Variants in EEF1AKMT1 observed in about 807,000 individuals in gnomAD.
EEF1AKMT1 encodes EEF1A lysine methyltransferase 1, also known as N-6 adenine-specific DNA methyltransferase 2 (putative).
In EEF1AKMT1, 18 loss-of-function variants were observed where a neutral mutation model predicts 21.0. The ratio of observed to expected loss-of-function variants is 0.86; its 90% CI spans 0.59 to 1.27. EEF1AKMT1 has a LOEUF of 1.27. EEF1AKMT1 is among the 50% of genes most tolerant of loss of function. The probability of loss-of-function intolerance (pLI) is 0.00; values close to 1 mark genes in which losing one functional copy is unlikely to be tolerated. For synonymous variants in EEF1AKMT1, 109 were observed against 94.8 expected (o/e 1.15, Z -0.87); for missense variants, 246 against 258.6 (o/e 0.95, Z 0.33).
rs760139819 is a variant in EEF1AKMT1 at position 20,729,049 on chromosome 13, G to T, written c.*31C>A. The stretch of plus-strand genomic sequence containing the variant: ...AATACAAAAAGAGGAATGTGACAGG[G>T]TTCCTTCCTGTGTTATGTCACCGTC... On this transcript the variant is annotated 3_prime_UTR_variant, in exon 5 of 5. Coordinates refer to ENST00000382758, the MANE Select transcript of EEF1AKMT1 (RefSeq NM_001318939.2). The T allele has an allele frequency of 5.0e-6, 8 of 1,612,594 alleles. No individual in the cohort carries two copies. In the South Asian group the frequency reaches 8.8e-5, roughly 18 times the overall value.
At chr13:20,757,325 G>A in intron 2 of EEF1AKMT1, 130 bp downstream of exon 2, 1 of 1,046,536 alleles carries the variant, frequency 9.6e-7, no homozygotes, top group East Asian at 2.4e-5. Context: ...GCTCCCCATA[G>A]AGAAGTTCAG....
intron 2 of EEF1AKMT1, 103 bp from the exon 3 acceptor site, chr13:20,737,908 A>T (rs949590465): frequency 5.4e-6 from 4 of 738,964 alleles, no homozygotes; most frequent in African/African-American, 3.6e-5. Context: ...TTGTTCTTTT[A>T]ATTTATATAT....
rs1555326495 is a variant in EEF1AKMT1 at position 20,748,715 on chromosome 13, G to GGTTTTTTT, written c.144+8739_144+8740insAAAAAAAC. On this transcript the variant is annotated intron_variant, in intron 2 of 4. Transcript: ENST00000382758. ...TTCTTCACCCTCCTAATGTATAGTT[G>GGTTTTTTT]TTTTTTTTTGGTTTTTTTTTTTTTT... Among the ~76,000 whole-genome samples, 117 of 105,792 alleles carry GGTTTTTTT rather than the reference G, an allele frequency of 1.1e-3. 7 individuals are homozygous for GGTTTTTTT. Among genetic ancestry groups the GGTTTTTTT allele is most frequent in the African/African-American group, 4.1e-3 (112 of 27,136 alleles). The allele number at this position is 105,792 out of a possible 152,430, so 69.4% of individuals were successfully genotyped here.
At chr13:20,766,845 A>G (rs1292900399) in intron 1 of EEF1AKMT1, among the ~76,000 whole-genome samples, 1 of 151,986 alleles carries the variant, frequency 6.6e-6, no homozygotes, top group African/African-American at 2.4e-5. Context: ...AAAGAAAAAG[A>G]AAAAAACAGA....
intron 2 of EEF1AKMT1, among the ~76,000 whole-genome samples, chr13:20,756,473 G>C (rs2058972456): frequency 6.6e-6 from 1 of 152,158 alleles, no homozygotes; most frequent in African/African-American, 2.4e-5. Flanking sequence ...TTCCGGCAAT[G>C]ATAATATTTT....
intron 1 of EEF1AKMT1, among the ~76,000 whole-genome samples, chr13:20,759,483 G>C (rs2058988034): frequency 6.6e-6 from 1 of 152,094 alleles, no homozygotes; most frequent in Non-Finnish European, 1.5e-5. Context: ...GGGAGGCTGA[G>C]GCAGGAGAAT....
chr13:20,755,409 C>T (rs1421396293), intron 2 of EEF1AKMT1, among the ~76,000 whole-genome samples: 2 of 152,222 alleles, frequency 1.3e-5, no homozygotes, highest in African/African-American at 4.8e-5. Flanking sequence ...AGGCAGTTCC[C>T]TATGTTTGCC....
chr13:20,742,723 C>T (rs2058878945), intron 2 of EEF1AKMT1, among the ~76,000 whole-genome samples: 2 of 152,198 alleles, frequency 1.3e-5, no homozygotes, highest in Non-Finnish European at 2.9e-5. Flanking sequence ...AGAATAATCT[C>T]CTCTTAGCTG....
chr13:20,731,173 G>A (rs1481716360), intron 4 of EEF1AKMT1, among the ~76,000 whole-genome samples: 2 of 126,236 alleles, frequency 1.6e-5, no homozygotes, highest in Non-Finnish European at 4.0e-5. Flanking sequence ...AACCACACCT[G>A]GCTAATGTTT....
rs2058777235 is a variant in EEF1AKMT1, at chr13:20,729,199, G to A, written c.526C>T (p.Gln176Ter). The A allele has an allele frequency of 1.9e-6, 3 of 1,613,984 alleles. No individual in the cohort carries two copies. The highest frequency in any genetic ancestry group is 2.5e-6 in the Non-Finnish European group (3 of 1,180,024). ...LLCTGAIMEE[Q>*]AAELLGVKMC... ...TTCACTCCAAGGAGTTCTGCTGCCT[G>A]TTCTTCCATGATGGCACCTGAAGAG... The change falls in exon 5 of 5, where the codon CAG becomes TAG. Residue 176 changes from glutamine (Q) to a stop codon, truncating the protein, a stop_gained. Transcript: ENST00000382758. LOFTEE classifies it low-confidence loss of function (END_TRUNC).
chr13:20,765,405 GTTTT>G (rs1171165259), intron 1 of EEF1AKMT1, among the ~76,000 whole-genome samples: 15 of 58,674 alleles, frequency 2.6e-4, no homozygotes, highest in African/African-American at 5.1e-4. Context: ...CTTCCCTTGG[GTTTT>G]TTTTTTTTTT....
intron 1 of EEF1AKMT1, among the ~76,000 whole-genome samples, chr13:20,759,913 G>T (rs990490374): frequency 3.3e-5 from 5 of 152,100 alleles, no homozygotes; most frequent in African/African-American, 1.2e-4. Flanking sequence ...AACCATCCTA[G>T]CTAACACAGT....
intron 2 of EEF1AKMT1, among the ~76,000 whole-genome samples, chr13:20,748,731 T>TTG (rs1566533579): frequency 1.5e-5 from 2 of 130,456 alleles, no homozygotes; most frequent in African/African-American, 5.8e-5. Flanking sequence ...TTTTGGTTTT[T>TTG]TTTTTTTTTT....
At chr13:20,738,445 T>C (rs1273368434) in intron 2 of EEF1AKMT1, among the ~76,000 whole-genome samples, 1 of 152,160 alleles carries the variant, frequency 6.6e-6, no homozygotes, top group African/African-American at 2.4e-5. Flanking sequence ...AGTAGCATGG[T>C]TTTCCTCTGC....
intron 2 of EEF1AKMT1, 141 bp from the exon 3 acceptor site, chr13:20,737,946 A>T (rs567109983): frequency 2.1e-5 from 10 of 466,168 alleles, no homozygotes; most frequent in East Asian, 1.8e-4. Context: ...AGATATTTTT[A>T]AAAAGTTTTT....
In EEF1AKMT1 at chr13:20,731,990, T is replaced by A. The variant is rs2058799890; in HGVS notation, c.359A>T (p.Tyr120Phe). ...TTCGGGTAAGTCCAATGGATTATTGTAATCATAGAAAATAAACTCCTCTCC... is the reference window on the plus strand; with the variant it reads ...TTCGGGTAAGTCCAATGGATTATTGAAATCATAGAAAATAAACTCCTCTCC... ...MYGEEFIFYD[Y>F]NNPLDLPERI... Residue 120 changes from tyrosine to phenylalanine, a missense_variant, in exon 4 of 5, where the codon TAC becomes TTC. By Grantham distance (22) the Tyr-to-Phe change is conservative. Transcript: ENST00000382758. The A allele has an allele frequency of 6.2e-7, 1 of 1,614,126 alleles. No individual in the cohort carries two copies. Among genetic ancestry groups the A allele is most frequent in the Non-Finnish European group, 8.5e-7 (1 of 1,180,050 alleles).
At chr13:20,757,405 G>T in intron 2 of EEF1AKMT1, 50 bp downstream of exon 2, 1 of 1,603,230 alleles carries the variant, frequency 6.2e-7, no homozygotes, top group Non-Finnish European at 8.5e-7. Context: ...AATGCACAGA[G>T]TAGGTTCCAC....
chr13:20,748,977 G>T lies in EEF1AKMT1; in HGVS notation c.144+8478C>A, dbSNP rs189202355. ...CTCCTGACCTCAGGAGATCTACCCC[G>T]CTAGGCCTCTCAAAGTGGGTAGAAT... On this transcript the variant is annotated intron_variant, in intron 2 of 4. Transcript: ENST00000382758. Among the ~76,000 whole-genome samples the T allele has an allele frequency of 7.8e-4, 118 of 152,156 alleles. 1 individual carries two copies. The highest frequency in any genetic ancestry group is 2.8e-3 in the African/African-American group (117 of 41,508).
intron 2 of EEF1AKMT1, among the ~76,000 whole-genome samples, chr13:20,754,793 G>C (rs531943809): frequency 6.6e-6 from 1 of 151,196 alleles, no homozygotes; most frequent in East Asian, 1.9e-4. Flanking sequence ...CATGCCTGTA[G>C]GCACAAGAAT....
Sources: gnomAD v4.1 joint callset for allele counts (sites outside exome capture counted in the v4.1 genomes callset) on GRCh38, gnomAD v4.1.1 for gene constraint, MANE v1.5 for transcripts, NCBI Gene and HGNC (gene_info 2026-07-23, HGNC 2026-07-21) for gene names.